Variants in CCDC149 observed in about 807,000 individuals in gnomAD.
CCDC149 encodes coiled-coil domain containing 149.
In CCDC149, 45 loss-of-function variants were observed where a neutral mutation model predicts 59.9. The ratio of observed to expected loss-of-function variants is 0.75; its 90% CI spans 0.59 to 0.96. The LOEUF (loss-of-function observed/expected upper bound fraction) is 0.96, where lower values mean the gene tolerates loss of function less well. CCDC149 is among the 40% of genes least tolerant of loss of function. The probability of loss-of-function intolerance (pLI) is 0.00; values close to 1 mark genes in which losing one functional copy is unlikely to be tolerated. For synonymous variants in CCDC149, 245 were observed against 260.6 expected, an observed-to-expected ratio of 0.94 and a Z score of 0.58; for missense variants, 584 against 664.7, an observed-to-expected ratio of 0.88 and a Z score of 1.33.
At position 24,874,244 on chromosome 4, in the gene CCDC149, G is replaced by GTTTTTTTTTTTTTTTTTTTTTTTTTTTT. The variant is rs5856868; in HGVS notation, c.226-526_226-525insAAAAAAAAAAAAAAAAAAAAAAAAAAAA. On this transcript the variant is annotated intron_variant, in intron 2 of 12. Transcript: ENST00000635206. ...GAGAACTTCTAGTCCTATTAGATTT[G>GTTTTTTTTTTTTTTTTTTTTTTTTTTTT]TTTTTTTTTTTTTTTGTTTTGTTTT... Among the ~76,000 whole-genome samples, 11 of 87,486 alleles carry GTTTTTTTTTTTTTTTTTTTTTTTTTTTT rather than the reference G, an allele frequency of 1.3e-4. 2 individuals carry two copies. The highest frequency in any genetic ancestry group is 5.2e-4 in the African/African-American group (9 of 17,156). The allele number at this position is 87,486 out of a possible 152,430, so 57.4% of individuals were successfully genotyped here.
chr4:24,831,366 G>T, intron 9 of CCDC149, 140 bp downstream of exon 9: 1 of 797,226 alleles, frequency 1.3e-6, no homozygotes, highest in Non-Finnish European at 2.0e-6. Context: ...CACCATTCTA[G>T]TTTAATAAGT....
intron 1 of CCDC149, among the ~76,000 whole-genome samples, chr4:24,906,666 G>T (rs1472126403): frequency 1.3e-5 from 2 of 152,014 alleles, no homozygotes; most frequent in East Asian, 3.9e-4. Context: ...CCAAAGTCCT[G>T]GGATTATAGA....
At chr4:24,860,504 T>G (rs1718309324) in intron 3 of CCDC149, among the ~76,000 whole-genome samples, 1 of 152,086 alleles carries the variant, frequency 6.6e-6, no homozygotes, top group Admixed American at 6.5e-5. Flanking sequence ...TAAGATAGCA[T>G]CAGAAAAACC....
intron 3 of CCDC149, among the ~76,000 whole-genome samples, chr4:24,859,453 A>T (rs1430682668): frequency 6.6e-6 from 1 of 152,214 alleles, no homozygotes; most frequent in Non-Finnish European, 1.5e-5. Context: ...ACCTTAAGGT[A>T]ATAAAAGCTA....
At chr4:24,884,194 G>T (rs1446824205) in intron 1 of CCDC149, among the ~76,000 whole-genome samples, 1 of 152,164 alleles carries the variant, frequency 6.6e-6, no homozygotes, top group African/African-American at 2.4e-5. Context: ...TACAACGGTG[G>T]TCCCGTAAGA....
At chr4:24,946,319 T>C (rs899017664) in intron 1 of CCDC149, among the ~76,000 whole-genome samples, 1 of 152,180 alleles carries the variant, frequency 6.6e-6, no homozygotes, top group Non-Finnish European at 1.5e-5. Context: ...TTCCAATAAA[T>C]CCCTTTTTGT....
intron 4 of CCDC149, among the ~76,000 whole-genome samples, chr4:24,845,571 A>G (rs945476798): frequency 1.3e-5 from 2 of 152,238 alleles, no homozygotes; most frequent in African/African-American, 4.8e-5. Flanking sequence ...CCAAATGTGA[A>G]AAACTGTGCA....
intron 1 of CCDC149, among the ~76,000 whole-genome samples, chr4:24,909,115 C>T (rs73250624): frequency 0.13 from 19,816 of 152,036 alleles, 1,366 homozygotes; most frequent in South Asian, 0.17. Flanking sequence ...GCTTATTATA[C>T]CAAATATATG....
At chr4:24,962,652 A>G (rs1205895222) in intron 1 of CCDC149, among the ~76,000 whole-genome samples, 1 of 151,698 alleles carries the variant, frequency 6.6e-6, no homozygotes, top group Non-Finnish European at 1.5e-5. Flanking sequence ...CAAGCACCTC[A>G]TGTTCTCACT....
upstream of CCDC149, among the ~76,000 whole-genome samples, chr4:24,913,854 G>A (rs921285202): frequency 1.3e-5 from 2 of 152,224 alleles, no homozygotes; most frequent in African/African-American, 4.8e-5. Flanking sequence ...AGGAAAGACT[G>A]AAAGAGAATG....
rs948110712 is a variant in CCDC149 at position 24,913,033 on chromosome 4, G to C, written c.-154C>G. ...CGGCCGCCAGCGCTGTTGACTCCAC[G>C]TCAGCCTCCGCCGGAGGGAAAGGGA... is the stretch of plus-strand genomic sequence containing the variant. On this transcript the variant is annotated 5_prime_UTR_variant, in exon 1 of 13. Coordinates refer to ENST00000635206, the MANE Select transcript of CCDC149 (RefSeq NM_001330643.2). 1.1e-4 allele frequency: 20 copies of C among 180,152 alleles called. 1 individual carries two copies. The highest frequency in any genetic ancestry group is 4.8e-4 in the African/African-American group (20 of 41,706). The allele number at this position is 180,152 out of a possible 1,614,324, so 11.2% of individuals were successfully genotyped here.
Position 24,963,247 on chromosome 4 carries a change from T to C in CCDC149, c.-65+16822A>G, listed in dbSNP as rs115281485. On this transcript the variant is annotated intron_variant, in intron 1 of 12. Transcript: ENST00000389609. ...CCTGGTGGGAGTAGGAACACCAATT[T>C]CTCTGCCAAGGTAGGTCAGTAAGAC... Among the ~76,000 whole-genome samples the C allele has an allele frequency of 4.2e-3, 639 of 152,184 alleles. 2 individuals are homozygous for C. Among genetic ancestry groups the C allele is most frequent in the African/African-American group, 0.015 (603 of 41,522 alleles).
At chr4:24,865,025 T>C (rs1269058751) in intron 3 of CCDC149, among the ~76,000 whole-genome samples, 1 of 152,180 alleles carries the variant, frequency 6.6e-6, no homozygotes. Context: ...GGAAAAGTTA[T>C]TCTACACCAT....
At chr4:24,904,089 C>G (rs919446400) in intron 1 of CCDC149, among the ~76,000 whole-genome samples, 1 of 152,310 alleles carries the variant, frequency 6.6e-6, no homozygotes, top group African/African-American at 2.4e-5. Flanking sequence ...CGTGAGCCAC[C>G]GTGCCTAGCC....
At chr4:24,855,614 A>T (rs1717955397) in intron 3 of CCDC149, among the ~76,000 whole-genome samples, 1 of 113,234 alleles carries the variant, frequency 8.8e-6, no homozygotes, top group African/African-American at 3.4e-5. Context: ...AAAGAAAAAC[A>T]TTCATCCCCT....
intron 1 of CCDC149, among the ~76,000 whole-genome samples, chr4:24,925,962 A>C (rs1722424867): frequency 6.6e-6 from 1 of 152,142 alleles, no homozygotes; most frequent in African/African-American, 2.4e-5. Flanking sequence ...TGGGAGGCTG[A>C]GACGGGCAGA....
chr4:24,895,336 C>G (rs1239111987), intron 1 of CCDC149, among the ~76,000 whole-genome samples: 2 of 152,146 alleles, frequency 1.3e-5, no homozygotes, highest in African/African-American at 2.4e-5. Flanking sequence ...TGTGCCTCTG[C>G]TGTCTACGTG....
At chr4:24,928,964 C>T (rs1369664898) in intron 1 of CCDC149, among the ~76,000 whole-genome samples, 2 of 152,142 alleles carry the variant, frequency 1.3e-5, no homozygotes, top group African/African-American at 2.4e-5. Flanking sequence ...ACTTCATCTG[C>T]CAGGTTGCTA....
At chr4:24,918,316 G>A (rs1198304362) in intron 1 of CCDC149, among the ~76,000 whole-genome samples, 5 of 152,182 alleles carry the variant, frequency 3.3e-5, no homozygotes, top group Non-Finnish European at 7.4e-5. Flanking sequence ...TCGAGAAGGT[G>A]AAAAGGTGGC....
Sources: gnomAD v4.1 joint callset for allele counts (sites outside exome capture counted in the v4.1 genomes callset) on GRCh38, gnomAD v4.1.1 for gene constraint, MANE v1.5 for transcripts, NCBI Gene and HGNC (gene_info 2026-07-23, HGNC 2026-07-21) for gene names.